Variants in ACACA observed in about 807,000 individuals in gnomAD.
The protein encoded by ACACA is acetyl-CoA carboxylase 1.
In ACACA, 103 loss-of-function variants were observed where a neutral mutation model predicts 296.1. The ratio of observed to expected loss-of-function variants is 0.35; its 90% CI spans 0.30 to 0.41. ACACA has a LOEUF of 0.41. Ranked by LOEUF, ACACA falls within the 10% of genes least tolerant of loss-of-function variation. The pLI, the probability that ACACA is intolerant of heterozygous loss-of-function variation, is 1.00. For synonymous variants in ACACA, 953 were observed against 1,038.6 expected (o/e 0.92, Z 1.58); for missense variants, 1,554 against 2,989.7 (o/e 0.52, Z 11.20).
At chr17:37,192,716 A>T (rs2077812243) in intron 36 of ACACA, among the ~76,000 whole-genome samples, 1 of 152,140 alleles carries the variant, frequency 6.6e-6, no homozygotes, top group South Asian at 2.1e-4. Flanking sequence ...TAATCTAAAA[A>T]TTTTCTCACT....
At chr17:37,389,517 C>A in intron 1 of ACACA, 3 of 754,530 alleles carry the variant, frequency 4.0e-6, no homozygotes, top group Non-Finnish European at 4.8e-6. Context: ...CATGACGAAA[C>A]CCTGTCTCTA....
At position 37,381,274 on chromosome 17, in the gene ACACA, C is replaced by T. The variant is rs1236621884; in HGVS notation, c.38+24988G>A. On this transcript the variant is annotated intron_variant, in intron 1 of 55. Transcript: ENST00000616317. ...GATCTCGTCTCACTGCAACCTCCTC[C>T]TCCCAGGTTCACGTGATTCTCCTGT... 2.6e-5 allele frequency among the ~76,000 whole-genome samples: 4 copies of T among 152,138 alleles called. No individual in the cohort carries two copies. In the East Asian group the frequency reaches 7.7e-4, roughly 29 times the overall value.
intron 45 of ACACA, among the ~76,000 whole-genome samples, chr17:37,131,441 A>G (rs1338296117): frequency 1.3e-5 from 2 of 152,144 alleles, no homozygotes; most frequent in Non-Finnish European, 2.9e-5. Flanking sequence ...GTAGCCCCGG[A>G]GAGCTCTAAA....
At chr17:37,251,133 C>T (rs1248394103) in intron 16 of ACACA, among the ~76,000 whole-genome samples, 1 of 152,050 alleles carries the variant, frequency 6.6e-6, no homozygotes, top group Non-Finnish European at 1.5e-5. Flanking sequence ...TATTTGTACA[C>T]CAATAAGAAA....
At chr17:37,256,665 G>A (rs1201655405) in intron 14 of ACACA, among the ~76,000 whole-genome samples, 1 of 152,152 alleles carries the variant, frequency 6.6e-6, no homozygotes, top group Non-Finnish European at 1.5e-5. Flanking sequence ...CCAGGAGGTC[G>A]AGGTTTCAGT....
chr17:37,182,512 A>G (rs1178878845), intron 39 of ACACA, among the ~76,000 whole-genome samples: 1 of 152,180 alleles, frequency 6.6e-6, no homozygotes, highest in Non-Finnish European at 1.5e-5. Context: ...TACTCCATAT[A>G]TTTAGATAGT....
intron 45 of ACACA, among the ~76,000 whole-genome samples, chr17:37,149,135 A>AT (rs144054640): frequency 0.13 from 19,916 of 152,058 alleles, 1,959 homozygotes; most frequent in East Asian, 0.45. Flanking sequence ...CTTGCCATCC[A>AT]TTTTTTTCCC....
At chr17:37,088,201 T>TAATC (rs2072352775) in intron 55 of ACACA, among the ~76,000 whole-genome samples, 1 of 152,212 alleles carries the variant, frequency 6.6e-6, no homozygotes, top group South Asian at 2.1e-4. Context: ...TAAAAGTTTT[T>TAATC]AATCAATGTT....
chr17:37,193,481 T>A (rs1598131017), intron 35 of ACACA, 66 bp from the exon 36 acceptor site: 6 of 1,235,278 alleles, frequency 4.9e-6, no homozygotes, highest in Non-Finnish European at 7.2e-6. Flanking sequence ...GAACAAACAG[T>A]ATAGAAACAG....
intron 45 of ACACA, among the ~76,000 whole-genome samples, chr17:37,148,130 A>G (rs905314243): frequency 6.6e-6 from 1 of 151,750 alleles, no homozygotes; most frequent in Non-Finnish European, 1.5e-5. Context: ...CAGAATTTTT[A>G]AAATCTTTCA....
intron 21 of ACACA, among the ~76,000 whole-genome samples, chr17:37,243,951 C>A (rs1025536145): frequency 2.0e-5 from 3 of 152,266 alleles, no homozygotes; most frequent in African/African-American, 4.8e-5. Flanking sequence ...TGGCCTCAAG[C>A]GATCTTTCCA....
intron 3 of ACACA, among the ~76,000 whole-genome samples, chr17:37,324,835 C>CA (rs35499336): frequency 0.17 from 13,179 of 75,534 alleles, 1,103 homozygotes; most frequent in East Asian, 0.5. Context: ...AACTCCGACT[C>CA]AAAAAAAAAA....
At chr17:37,315,526 C>G (rs2047048031) in intron 3 of ACACA, among the ~76,000 whole-genome samples, 1 of 152,152 alleles carries the variant, frequency 6.6e-6, no homozygotes, top group Admixed American at 6.5e-5. Context: ...CTTCAGATAC[C>G]AGTTGCAAAT....
intron 1 of ACACA, among the ~76,000 whole-genome samples, chr17:37,362,347 C>T (rs1439690484): frequency 6.6e-6 from 1 of 152,162 alleles, no homozygotes; most frequent in East Asian, 1.9e-4. Context: ...CAGCTACCTT[C>T]CAACCTTAAA....
intron 41 of ACACA, among the ~76,000 whole-genome samples, chr17:37,175,275 T>A (rs142792202): frequency 1.3e-3 from 198 of 152,378 alleles, no homozygotes; most frequent in South Asian, 7.5e-3. Flanking sequence ...CAAAGTTAAG[T>A]TGTTCTCTGT....
Position 37,321,521 on chromosome 17 carries a change from G to A in ACACA, c.338+8652C>T, listed in dbSNP as rs529772588. Among the ~76,000 whole-genome samples, 261 of 152,114 alleles carry A rather than the reference G, an allele frequency of 1.7e-3. 1 individual carries two copies. The highest frequency in any genetic ancestry group is 5.9e-3 in the African/African-American group (243 of 41,514). On this transcript the variant is annotated intron_variant, in intron 3 of 55. Transcript: ENST00000616317. ...TCTCAGCACTTTGGGAGGCTGAGGC[G>A]GGCGGATCATGAGGTCAGGAGATCG...
chr17:37,266,814 C>T (rs1567910161), intron 10 of ACACA, among the ~76,000 whole-genome samples: 1 of 152,180 alleles, frequency 6.6e-6, no homozygotes, highest in Non-Finnish European at 1.5e-5. Flanking sequence ...AGATCCATGA[C>T]TTCATTAAAT....
intron 55 of ACACA, 82 bp downstream of exon 55, chr17:37,088,856 C>T: frequency 6.6e-7 from 1 of 1,523,484 alleles, no homozygotes; most frequent in Non-Finnish European, 9.1e-7. Flanking sequence ...TTTCTGCGAT[C>T]ATCTCATGAT....
intron 29 of ACACA, among the ~76,000 whole-genome samples, chr17:37,211,082 T>C (rs533302775): frequency 2.6e-5 from 4 of 152,146 alleles, no homozygotes; most frequent in African/African-American, 9.6e-5. Flanking sequence ...CTTCCTCCCA[T>C]GAAGGAGAGC....
Sources: gnomAD v4.1 joint callset for allele counts (sites outside exome capture counted in the v4.1 genomes callset) on GRCh38, gnomAD v4.1.1 for gene constraint, MANE v1.5 for transcripts, NCBI Gene and HGNC (gene_info 2026-07-23, HGNC 2026-07-21) for gene names.